CCM2: variants seen among roughly 807,000 people sequenced by gnomAD.
The protein encoded by CCM2 is cerebral cavernous malformations 2 protein.
Under a neutral mutation model 44.9 loss-of-function variants are expected in CCM2, and 25 were observed. That is an observed-to-expected ratio of 0.56 (90% CI 0.41 to 0.78). CCM2 has a LOEUF of 0.78. Among genes scored for constraint, CCM2 ranks in the 30% least tolerant of loss-of-function variants. CCM2 has a pLI of 0.00. For missense variants in CCM2, 481 were observed against 580.6 expected (o/e 0.83, Z 1.76); for synonymous variants, 219 against 241.1 (o/e 0.91, Z 0.85).
At chr7:45,018,671 C>T (rs984231561) in intron 1 of CCM2, among the ~76,000 whole-genome samples, 2 of 151,972 alleles carry the variant, frequency 1.3e-5, no homozygotes, top group Admixed American at 6.6e-5. Flanking sequence ...AAGATGAAGA[C>T]TCATTATCTT....
intron 1 of CCM2, among the ~76,000 whole-genome samples, chr7:45,029,222 T>G (rs1003712549): frequency 2.0e-5 from 3 of 152,214 alleles, no homozygotes; most frequent in African/African-American, 4.8e-5. Context: ...TGAATACTCA[T>G]GAGATGTACT....
At chr7:45,039,852 C>T (rs1337303504) in intron 2 of CCM2, among the ~76,000 whole-genome samples, 4 of 151,684 alleles carry the variant, frequency 2.6e-5, no homozygotes, top group Non-Finnish European at 5.9e-5. Flanking sequence ...CATGGAGAAA[C>T]CCCGTCTCTA....
chr7:45,034,849 T>G (rs576959378), intron 1 of CCM2, among the ~76,000 whole-genome samples: 1 of 151,960 alleles, frequency 6.6e-6, no homozygotes, highest in Non-Finnish European at 1.5e-5. Context: ...AAGTTTTTAT[T>G]TTTCTTGAGA....
chr7:45,068,222 G>T, intron 4 of CCM2: 1 of 615,994 alleles, frequency 1.6e-6, no homozygotes, highest in Non-Finnish European at 2.9e-6. Flanking sequence ...AGGATGACAT[G>T]CAGCTCTGGT....
Position 45,068,262 on chromosome 7 carries a change from C to T in CCM2, c.473-181C>T, listed in dbSNP as rs1798880914. The stretch of plus-strand genomic sequence containing the variant: ...TTGGAGCTCAGGGGTCGCGTGTTCC[C>T]ACCCTTATTTAGAGAAGCGAAGTGT... On this transcript the variant is annotated intron_variant, in intron 4 of 9. Transcript: ENST00000258781. 3 of 734,772 alleles carry T rather than the reference C, an allele frequency of 4.1e-6. No individual in the cohort carries two copies. The African/African-American group carries it at 5.2e-5, about 13-fold the overall frequency. The allele number at this position is 734,772 out of a possible 1,614,324, so 45.5% of individuals were successfully genotyped here. A position where few individuals can be genotyped will look rare whatever the true frequency, so the allele number is the denominator to read the frequency against.
intron 1 of CCM2, among the ~76,000 whole-genome samples, chr7:45,009,313 A>AG (rs1406092481): frequency 2.4e-4 from 30 of 124,620 alleles, no homozygotes; most frequent in Non-Finnish European, 1.8e-4. Context: ...AAAAAAAAAA[A>AG]AAAAAAAAAT....
At chr7:45,060,172 A>G (rs181103595) in intron 2 of CCM2, among the ~76,000 whole-genome samples, 3 of 152,306 alleles carry the variant, frequency 2.0e-5, no homozygotes, top group Non-Finnish European at 2.9e-5. Context: ...TTTTTCTGAT[A>G]AAAATCTTTA....
intron 1 of CCM2, among the ~76,000 whole-genome samples, chr7:45,031,690 T>A (rs1282954208): frequency 6.6e-6 from 1 of 152,146 alleles, no homozygotes; most frequent in Non-Finnish European, 1.5e-5. Context: ...CCCAAGTAGC[T>A]GTGACTACAG....
intron 1 of CCM2, among the ~76,000 whole-genome samples, chr7:45,032,933 C>G (rs1208951362): frequency 6.7e-6 from 1 of 150,190 alleles, no homozygotes; most frequent in Non-Finnish European, 1.5e-5. Context: ...CCCAGCTACT[C>G]CAGAGGCTGA....
At chr7:45,024,637 G>T (rs1227071811) in intron 1 of CCM2, among the ~76,000 whole-genome samples, 1 of 152,144 alleles carries the variant, frequency 6.6e-6, no homozygotes, top group African/African-American at 2.4e-5. Flanking sequence ...TAACTATTTT[G>T]CACCTTGATT....
intron 2 of CCM2, among the ~76,000 whole-genome samples, chr7:45,062,059 C>A (rs972750237): frequency 6.6e-6 from 1 of 152,192 alleles, no homozygotes; most frequent in African/African-American, 2.4e-5. Flanking sequence ...GCATATCTGT[C>A]TCTCCATCTT....
At chr7:45,056,388 C>T (rs1241798830) in intron 2 of CCM2, among the ~76,000 whole-genome samples, 1 of 152,130 alleles carries the variant, frequency 6.6e-6, no homozygotes, top group African/African-American at 2.4e-5. Flanking sequence ...GGTGTGGTGG[C>T]TCACGCCTGT....
At chr7:45,025,486 T>C (rs1796648930) in intron 1 of CCM2, among the ~76,000 whole-genome samples, 1 of 152,120 alleles carries the variant, frequency 6.6e-6, no homozygotes, top group African/African-American at 2.4e-5. Flanking sequence ...TTGGCAGTCA[T>C]ATTTGTAATT....
rs1267180354 is a variant in CCM2 at position 45,076,198 on chromosome 7, G to A, written c.*141G>A. 1 of 1,165,408 alleles carries A rather than the reference G, an allele frequency of 8.6e-7. No individual in the cohort carries two copies. The highest frequency in any genetic ancestry group is 1.2e-6 in the Non-Finnish European group (1 of 809,746). 72.2% of individuals were successfully genotyped at this position (1,165,408 alleles called of 1,614,324 possible). On this transcript the variant is annotated 3_prime_UTR_variant, in exon 10 of 10. Transcript: ENST00000258781. Reference sequence around the variant, plus strand: ...GTGCAGATGGCCCCGGGCGGCCCAGGTCCTCTACTGTGAAGGAGCAGGGAG... The same window carrying A: ...GTGCAGATGGCCCCGGGCGGCCCAGATCCTCTACTGTGAAGGAGCAGGGAG...
chr7:45,008,103 C>T (rs1407300717), intron 1 of CCM2, among the ~76,000 whole-genome samples: 1 of 145,942 alleles, frequency 6.9e-6, no homozygotes, highest in African/African-American at 2.6e-5. Flanking sequence ...AGTGCAGTTG[C>T]ATGACCTCAG....
chr7:45,003,230 C>G (rs985977667), intron 1 of CCM2, among the ~76,000 whole-genome samples: 8 of 152,084 alleles, frequency 5.3e-5, no homozygotes, highest in Admixed American at 3.9e-4. Flanking sequence ...CGTGTGCCAT[C>G]ATGCCCAGCT....
intron 1 of CCM2, among the ~76,000 whole-genome samples, chr7:45,037,862 C>T (rs1797301126): frequency 6.6e-6 from 1 of 152,236 alleles, no homozygotes; most frequent in Non-Finnish European, 1.5e-5. Context: ...ACCTGCCTTC[C>T]TGGAGTTCTC....
chr7:45,031,495 C>G (rs561402490), intron 1 of CCM2, among the ~76,000 whole-genome samples: 28 of 152,176 alleles, frequency 1.8e-4, no homozygotes, highest in African/African-American at 6.0e-4. Flanking sequence ...TCTCTCCCCC[C>G]AGTCTTTCAG....
intron 1 of CCM2, among the ~76,000 whole-genome samples, chr7:45,011,054 T>G (rs1325137171): frequency 6.6e-6 from 1 of 152,182 alleles, no homozygotes; most frequent in Non-Finnish European, 1.5e-5. Context: ...TTTTTCTCTT[T>G]CCAGAGACAG....
Sources: allele counts gnomAD v4.1 joint callset (sites outside exome capture counted in the v4.1 genomes callset), GRCh38; gene constraint gnomAD v4.1.1; transcripts MANE v1.5; gene names NCBI Gene and HGNC (gene_info 2026-07-23, HGNC 2026-07-21).